TRHR: variants seen among roughly 807,000 people sequenced by gnomAD.
TRHR encodes thyrotropin-releasing hormone receptor.
Under a neutral mutation model 28.0 loss-of-function variants are expected in TRHR, and 14 were observed. That is an observed-to-expected ratio of 0.50 (90% CI 0.33 to 0.78). The LOEUF is 0.78. Ranked by LOEUF, TRHR falls within the 30% of genes least tolerant of loss-of-function variation. The pLI is 0.02. For synonymous variants in TRHR, 176 were observed against 171.9 expected (o/e 1.02, Z -0.18); for missense variants, 438 against 469.5 (o/e 0.93, Z 0.62).
intron 2 of TRHR, among the ~76,000 whole-genome samples, chr8:109,093,498 C>T (rs1347507107): frequency 1.3e-5 from 2 of 150,436 alleles, no homozygotes; most frequent in African/African-American, 4.9e-5. Flanking sequence ...CTCCGACTCC[C>T]GTGTTCAAGC....
chr8:109,098,104 C>A (rs73311317), intron 2 of TRHR, among the ~76,000 whole-genome samples: 5,106 of 151,980 alleles, frequency 0.034, 283 homozygotes, highest in African/African-American at 0.12. Context: ...TGTGAAGAAG[C>A]CTCCTTCCAA....
rs763220770 is a variant in TRHR at position 109,087,501 on chromosome 8, A to G, written c.-12A>G. 2 of 1,614,096 alleles carry G rather than the reference A, an allele frequency of 1.2e-6. No homozygotes were observed. The highest frequency in any genetic ancestry group is 3.3e-5 in the Admixed American group (2 of 60,018). Reference sequence around the variant, plus strand: ...GAAGTCAGTGTTTCCGAGAAACTTTAAGCTTCTAAAGATGGAAAACGAGAC... The same window carrying G: ...GAAGTCAGTGTTTCCGAGAAACTTTGAGCTTCTAAAGATGGAAAACGAGAC... On this transcript the variant is annotated 5_prime_UTR_variant, in exon 2 of 3. Coordinates refer to ENST00000518632, the MANE Select transcript of TRHR (RefSeq NM_003301.7).
At chr8:109,099,196 G>A (rs565489506) in intron 2 of TRHR, among the ~76,000 whole-genome samples, 1 of 152,152 alleles carries the variant, frequency 6.6e-6, no homozygotes, top group Non-Finnish European at 1.5e-5. Flanking sequence ...AGAAATATGG[G>A]ATTGGAAGTG....
intron 2 of TRHR, among the ~76,000 whole-genome samples, chr8:109,105,833 G>A (rs546553686): frequency 2.6e-5 from 4 of 152,182 alleles, no homozygotes; most frequent in East Asian, 1.9e-4. Context: ...CACTACACTG[G>A]CAGAGCTAAG....
intron 2 of TRHR, among the ~76,000 whole-genome samples, chr8:109,113,350 T>C (rs1811868274): frequency 6.6e-6 from 1 of 152,114 alleles, no homozygotes; most frequent in Admixed American, 6.6e-5. Flanking sequence ...CAAAAATTCA[T>C]AACTCCAGTC....
At chr8:109,091,569 A>C (rs952285682) in intron 2 of TRHR, among the ~76,000 whole-genome samples, 2 of 152,208 alleles carry the variant, frequency 1.3e-5, no homozygotes, top group African/African-American at 4.8e-5. Flanking sequence ...TCAAGTTCTT[A>C]AATTCAAATG....
chr8:109,105,988 T>C (rs900632352), intron 2 of TRHR, among the ~76,000 whole-genome samples: 1 of 152,172 alleles, frequency 6.6e-6, no homozygotes, highest in Non-Finnish European at 1.5e-5. Flanking sequence ...TACTGGTGTA[T>C]GATAATTGCT....
At chr8:109,091,620 G>C (rs908261731) in intron 2 of TRHR, among the ~76,000 whole-genome samples, 3 of 152,154 alleles carry the variant, frequency 2.0e-5, no homozygotes, top group African/African-American at 7.2e-5. Context: ...GGAAGTAAAA[G>C]AGCATTTACA....
intron 2 of TRHR, among the ~76,000 whole-genome samples, chr8:109,118,665 G>A (rs774923474): frequency 9.2e-5 from 14 of 151,854 alleles, no homozygotes; most frequent in Non-Finnish European, 2.1e-4. Flanking sequence ...GGCCCTAGGA[G>A]TTTTCAGGCA....
chr8:109,107,805 TC>T (rs946936693), intron 2 of TRHR, among the ~76,000 whole-genome samples: 1 of 152,182 alleles, frequency 6.6e-6, no homozygotes, highest in African/African-American at 2.4e-5. Context: ...TTTTATGTTC[TC>T]CTTGTAATGA....
chr8:109,118,508 T>C (rs1811952793), intron 2 of TRHR, among the ~76,000 whole-genome samples: 1 of 151,758 alleles, frequency 6.6e-6, no homozygotes, highest in South Asian at 2.1e-4. Context: ...CACAGACACT[T>C]TTGGTGCCCT....
intron 1 of TRHR, 134 bp from the exon 2 acceptor site, chr8:109,087,288 GTTT>G (rs1811446473): frequency 1.7e-6 from 1 of 600,354 alleles, no homozygotes; most frequent in Non-Finnish European, 2.9e-6. Context: ...AATAAAAGAA[GTTT>G]TAAGAAGTAC....
rs1246193696 is a variant in TRHR, at chr8:109,086,610, G to A, written c.-362G>A. 1 of 152,462 alleles carries A rather than the reference G, an allele frequency of 6.6e-6. No homozygotes were observed. The highest frequency in any genetic ancestry group is 1.9e-4 in the East Asian group (1 of 5,206). 9.4% of individuals were successfully genotyped at this position (152,462 alleles called of 1,614,324 possible). A position where few individuals can be genotyped will look rare whatever the true frequency, so the allele number is the denominator to read the frequency against. On this transcript the variant is annotated 5_prime_UTR_variant, in exon 1 of 3. Coordinates refer to ENST00000518632, the MANE Select transcript of TRHR (RefSeq NM_003301.7). ...TGTGTCTCTGTGTGTGAGAGAGCGA[G>A]CGAGCGTGTATGTTCTCATTAGGGG...
Position 109,120,471 on chromosome 8 carries a change from G to A in TRHR, c.*1016G>A, listed in dbSNP as rs958557554. 6.6e-6 allele frequency among the ~76,000 whole-genome samples: 1 copy of A among 151,624 alleles called. No homozygotes were observed. Among genetic ancestry groups the A allele is most frequent in the Non-Finnish European group, 1.5e-5 (1 of 67,782 alleles). On this transcript the variant is annotated 3_prime_UTR_variant, in exon 3 of 3. Transcript: ENST00000518632. ...CCAAAATCCTGGTATCCCTCTTCCAGATAAAGAGCTCCCACTGAGAATTGT... is the reference window on the plus strand; with the variant it reads ...CCAAAATCCTGGTATCCCTCTTCCAAATAAAGAGCTCCCACTGAGAATTGT...
At position 109,118,185 on chromosome 8, in the gene TRHR, T is replaced by C. The variant is rs377027877; in HGVS notation, c.790-863T>C. On this transcript the variant is annotated intron_variant, in intron 2 of 2. Coordinates refer to ENST00000518632, the MANE Select transcript of TRHR (RefSeq NM_003301.7). ...ACTCTACAGCTTCCACCAAAGTACT[T>C]AACAGCCTCTGTACCTGTTTTCTAA... Among the ~76,000 whole-genome samples, 19 of 152,030 alleles carry C rather than the reference T, an allele frequency of 1.2e-4. No individual in the cohort carries two copies. The East Asian group carries it at 3.5e-3, about 28-fold the overall frequency.
intron 2 of TRHR, among the ~76,000 whole-genome samples, chr8:109,090,980 A>T (rs1031664333): frequency 3.3e-5 from 5 of 152,216 alleles, no homozygotes; most frequent in Admixed American, 3.3e-4. Flanking sequence ...GATCCAGACA[A>T]TCAGGCAAAG....
intron 2 of TRHR, among the ~76,000 whole-genome samples, chr8:109,094,712 G>A (rs1811564223): frequency 6.7e-6 from 1 of 149,972 alleles, no homozygotes; most frequent in Non-Finnish European, 1.5e-5. Flanking sequence ...TTTGCATGTT[G>A]CAAATATAAA....
intron 2 of TRHR, among the ~76,000 whole-genome samples, chr8:109,097,217 C>T (rs1286994875): frequency 6.6e-6 from 1 of 152,134 alleles, no homozygotes; most frequent in Non-Finnish European, 1.5e-5. Context: ...GAGAAATGAC[C>T]ACCCAGGGAA....
intron 2 of TRHR, among the ~76,000 whole-genome samples, chr8:109,097,894 C>G (rs1173718631): frequency 6.6e-6 from 1 of 152,200 alleles, no homozygotes; most frequent in African/African-American, 2.4e-5. Context: ...ATTTGCAGAA[C>G]CATAATCAGT....
Sources: gnomAD v4.1 joint callset for allele counts (sites outside exome capture counted in the v4.1 genomes callset) on GRCh38, gnomAD v4.1.1 for gene constraint, MANE v1.5 for transcripts, NCBI Gene and HGNC (gene_info 2026-07-23, HGNC 2026-07-21) for gene names.